Variants in JAZF1 observed in about 807,000 individuals in gnomAD.
The protein encoded by JAZF1 is juxtaposed with another zinc finger protein 1.
JAZF1 carries 8 observed loss-of-function variants against 26.4 expected under a neutral mutation model. That is an observed-to-expected ratio of 0.30 (90% CI 0.18 to 0.55). JAZF1 has a LOEUF of 0.55. Ranked by LOEUF, JAZF1 falls within the 20% of genes least tolerant of loss-of-function variation. The pLI, the probability that JAZF1 is intolerant of heterozygous loss-of-function variation, is 0.94. For synonymous variants in JAZF1, 126 were observed against 122.3 expected, an observed-to-expected ratio of 1.03 and a Z score of -0.20; for missense variants, 199 against 322.0, an observed-to-expected ratio of 0.62 and a Z score of 2.92.
At chr7:28,001,323 G>GC (rs781113721) in intron 1 of JAZF1, among the ~76,000 whole-genome samples, 62 of 152,002 alleles carry the variant, frequency 4.1e-4, no homozygotes, top group Non-Finnish European at 8.8e-5. Context: ...CTGCACTCCA[G>GC]CCTGGGTGAC....
chr7:27,875,553 T>C (rs925727125), intron 3 of JAZF1, among the ~76,000 whole-genome samples: 1 of 152,144 alleles, frequency 6.6e-6, no homozygotes, highest in African/African-American at 2.4e-5. Context: ...CACTCCTGTT[T>C]TTTCTCTTCA....
At chr7:27,833,489 CAG>C (rs1328026583) in intron 4 of JAZF1, among the ~76,000 whole-genome samples, 2 of 152,264 alleles carry the variant, frequency 1.3e-5, no homozygotes, top group South Asian at 2.1e-4. Flanking sequence ...ATGCCTTAAC[CAG>C]AGTTTTTGTC....
chr7:27,955,429 A>G (rs975243412), intron 2 of JAZF1, among the ~76,000 whole-genome samples: 1 of 152,196 alleles, frequency 6.6e-6, no homozygotes, highest in Non-Finnish European at 1.5e-5. Context: ...GTACTGAAGG[A>G]CTTTTAATTA....
chr7:28,169,145 A>C (rs1783415720), intron 1 of JAZF1, among the ~76,000 whole-genome samples: 1 of 152,260 alleles, frequency 6.6e-6, no homozygotes, highest in East Asian at 1.9e-4. Flanking sequence ...AGGGATTGAC[A>C]AAAGACGATT....
intron 3 of JAZF1, among the ~76,000 whole-genome samples, chr7:27,869,744 C>T (rs900064548): frequency 6.6e-5 from 10 of 152,174 alleles, no homozygotes; most frequent in African/African-American, 2.4e-4. Context: ...CAACAAAAGA[C>T]ACTATCTCTC....
At chr7:28,109,140 T>C (rs1583564715) in intron 1 of JAZF1, among the ~76,000 whole-genome samples, 1 of 152,206 alleles carries the variant, frequency 6.6e-6, no homozygotes, top group Non-Finnish European at 1.5e-5. Context: ...ATGTAATTAA[T>C]AGCACAGTAA....
intron 2 of JAZF1, among the ~76,000 whole-genome samples, chr7:27,955,584 T>C (rs1311960828): frequency 6.6e-6 from 1 of 152,216 alleles, no homozygotes; most frequent in East Asian, 1.9e-4. Context: ...TTTCGTGAAA[T>C]TGGGTGCAAC....
At chr7:28,023,624 T>A (rs1783042837) in intron 1 of JAZF1, among the ~76,000 whole-genome samples, 1 of 152,220 alleles carries the variant, frequency 6.6e-6, no homozygotes, top group Non-Finnish European at 1.5e-5. Flanking sequence ...TTAACCTGTA[T>A]TCATCCACTC....
At chr7:27,926,759 G>A (rs924692504) in intron 2 of JAZF1, among the ~76,000 whole-genome samples, 12 of 152,216 alleles carry the variant, frequency 7.9e-5, no homozygotes, top group African/African-American at 2.7e-4. Flanking sequence ...TCTTTTGAAC[G>A]AGGAGTTCAA....
chr7:27,861,149 CCTGAGCTGCA>C (rs1783371803), intron 3 of JAZF1, among the ~76,000 whole-genome samples: 1 of 152,210 alleles, frequency 6.6e-6, no homozygotes, highest in South Asian at 2.1e-4. Flanking sequence ...GCCCACGAGT[CCTGAGCTGCA>C]CTAACTCCCA....
rs375859244 is a variant in JAZF1 at position 27,898,304 on chromosome 7, T to TATATAC, written c.189-2889_189-2888insGTATAT. Reference sequence around the variant, plus strand: ...TCTAACTCATATATATATATATATATACATCGGTTTTTTTTTTTTTTTTTT... The same window carrying TATATAC: ...TCTAACTCATATATATATATATATATATATACACATCGGTTTTTTTTTTTTTTTTTT... On this transcript the variant is annotated intron_variant, in intron 2 of 4. Coordinates refer to ENST00000283928, the MANE Select transcript of JAZF1 (RefSeq NM_175061.4). Among the ~76,000 whole-genome samples, 70 of 128,904 alleles carry TATATAC rather than the reference T, an allele frequency of 5.4e-4. 1 individual carries two copies. Among genetic ancestry groups the TATATAC allele is most frequent in the African/African-American group, 2.1e-3 (67 of 32,182 alleles). 84.6% of individuals were successfully genotyped at this position (128,904 alleles called of 152,430 possible).
chr7:28,174,096 G>C (rs1783513667), intron 1 of JAZF1, among the ~76,000 whole-genome samples: 1 of 151,930 alleles, frequency 6.6e-6, no homozygotes, highest in Admixed American at 6.6e-5. Context: ...CGTTAGCCAG[G>C]TCAACATGGA....
chr7:28,161,269 A>AAAAAAAAAAAAAAAC (rs1783282806), intron 1 of JAZF1, among the ~76,000 whole-genome samples: 1 of 149,862 alleles, frequency 6.7e-6, no homozygotes, highest in African/African-American at 2.4e-5. Context: ...AAAAAAAAAA[A>AAAAAAAAAAAAAAAC]AAAAAAAAAA....
At chr7:27,985,713 T>C (rs1431569103) in intron 2 of JAZF1, among the ~76,000 whole-genome samples, 4 of 152,206 alleles carry the variant, frequency 2.6e-5, no homozygotes, top group Non-Finnish European at 4.4e-5. Context: ...AATAAAATAC[T>C]GGCAAACCAA....
chr7:27,850,271 C>T lies in JAZF1; in HGVS notation c.386-9404G>A, dbSNP rs572576607. 5.3e-5 allele frequency among the ~76,000 whole-genome samples: 8 copies of T among 152,264 alleles called. No homozygotes were observed. In the South Asian group the frequency reaches 8.3e-4, roughly 16 times the overall value. ...GCAACAAGTCTAAATGAATTGGCAA[C>T]GAGTGATTACAATGAAAGACACATT... On this transcript the variant is annotated intron_variant, in intron 3 of 4. Transcript: ENST00000283928.
intron 1 of JAZF1, among the ~76,000 whole-genome samples, chr7:28,005,414 TAAAAA>T (rs764502404): frequency 7.2e-6 from 1 of 137,944 alleles, no homozygotes; most frequent in African/African-American, 2.7e-5. Context: ...AATCATTGCT[TAAAAA>T]AAAAAAAAAA....
intron 1 of JAZF1, among the ~76,000 whole-genome samples, chr7:28,059,240 T>C (rs1783761818): frequency 6.6e-6 from 1 of 152,220 alleles, no homozygotes; most frequent in Non-Finnish European, 1.5e-5. Flanking sequence ...TTTTACATAC[T>C]TTTCATTTCA....
chr7:27,911,338 C>T (rs1030606161), intron 2 of JAZF1, among the ~76,000 whole-genome samples: 1 of 152,092 alleles, frequency 6.6e-6, no homozygotes, highest in African/African-American at 2.4e-5. Flanking sequence ...TTATTTAATC[C>T]TCATAACAGC....
At position 27,894,331 on chromosome 7, in the gene JAZF1, C is replaced by G. The variant is rs146386381; in HGVS notation, c.385+889G>C. On this transcript the variant is annotated intron_variant, in intron 3 of 4. Coordinates refer to ENST00000283928, the MANE Select transcript of JAZF1 (RefSeq NM_175061.4). The stretch of plus-strand genomic sequence containing the variant: ...TATACATGTGAGCCACAGCACCCAG[C>G]TGAAGTTCTAGTTTCTTGAGACATG... 4.7e-3 allele frequency among the ~76,000 whole-genome samples: 719 copies of G among 152,340 alleles called. 5 individuals are homozygous for G. Among genetic ancestry groups the G allele is most frequent in the South Asian group, 0.018 (89 of 4,826 alleles).
Sources: allele counts gnomAD v4.1 joint callset (sites outside exome capture counted in the v4.1 genomes callset), GRCh38; gene constraint gnomAD v4.1.1; transcripts MANE v1.5; gene names NCBI Gene and HGNC (gene_info 2026-07-23, HGNC 2026-07-21).